Variants in ANXA11 observed in about 807,000 individuals in gnomAD.
ANXA11 encodes annexin A11, also known as 56 kDa autoantigen.
A neutral mutation model predicts 64.7 loss-of-function variants in ANXA11; 57 were observed. That is an observed-to-expected ratio of 0.88 (90% CI 0.71 to 1.10). The LOEUF is 1.10. Among genes scored for constraint, ANXA11 ranks in the 50% least tolerant of loss-of-function variants. The probability of loss-of-function intolerance (pLI) is 0.00; values close to 1 mark genes in which losing one functional copy is unlikely to be tolerated. For synonymous variants in ANXA11, 260 were observed against 265.2 expected (o/e 0.98, Z 0.19); for missense variants, 675 against 670.7 (o/e 1.01, Z -0.07).
chr10:80,166,001 G>C, intron 8 of ANXA11, 83 bp downstream of exon 8: 1 of 804,742 alleles, frequency 1.2e-6, no homozygotes, highest in Non-Finnish European at 2.0e-6. Context: ...CTCCTTCTGG[G>C]CTGTGTGTCC....
At position 80,166,415 on chromosome 10, in the gene ANXA11, A is replaced by G. The variant is rs71481556; in HGVS notation, c.745-218T>C. The G allele has an allele frequency of 0.051, 26,944 of 531,780 alleles. 804 individuals are homozygous for G. Among genetic ancestry groups the G allele is most frequent in the Non-Finnish European group, 0.067 (19,923 of 296,946 alleles). The allele number at this position is 531,780 out of a possible 1,614,324, so 32.9% of individuals were successfully genotyped here. On this transcript the variant is annotated intron_variant, in intron 7 of 15. Coordinates refer to ENST00000422982, the MANE Select transcript of ANXA11 (RefSeq NM_145868.2). The stretch of plus-strand genomic sequence containing the variant: ...AGATGCCCAGGGGATCGGTGACACA[A>G]TGAAGTTTGAGAAGCACTGGGCTAG...
chr10:80,179,040 A>G (rs1189859426), intron 1 of ANXA11, among the ~76,000 whole-genome samples: 3 of 152,174 alleles, frequency 2.0e-5, no homozygotes, highest in African/African-American at 7.2e-5. Flanking sequence ...CCCAAATTGT[A>G]ATTTCTAATT....
At chr10:80,181,759 T>C (rs1022239521) in intron 1 of ANXA11, among the ~76,000 whole-genome samples, 9 of 152,228 alleles carry the variant, frequency 5.9e-5, no homozygotes, top group African/African-American at 2.2e-4. Context: ...CCTATTAGAA[T>C]GGCCAAAATC....
rs1293056598 is a variant in ANXA11, at chr10:80,158,001, G to C, written c.1301C>G (p.Ala434Gly). 2 of 1,613,978 alleles carry C rather than the reference G, an allele frequency of 1.2e-6. No individual in the cohort carries two copies. The highest frequency in any genetic ancestry group is 1.7e-5 in the Admixed American group (1 of 59,984). ...CTTGTTGAGCCTCTCCGCAAAGAAG[G>C]CTGGGGTATTCTTGAGACATTTCAC... ...AVVKCLKNTP[A>G]FFAERLNKAM... is the part of the protein sequence containing the mutation. Residue 434 changes from alanine to glycine, a missense_variant, in exon 14 of 16, where the codon GCC (alanine) becomes GGC (glycine). Ala to Gly is a moderately conservative substitution (Grantham distance 60). Transcript: ENST00000422982.
rs1589412679 is a variant in ANXA11 at position 80,157,581 on chromosome 10, G to A, written c.1458+60C>T. On this transcript the variant is annotated intron_variant, in intron 15 of 15. Coordinates refer to ENST00000422982, the MANE Select transcript of ANXA11 (RefSeq NM_145868.2). ...AGCATATGGCCACTCCAAGGAGGGAGGTTCCACAGGTGACTGAGATGCCAA... is the reference window on the plus strand; with the variant it reads ...AGCATATGGCCACTCCAAGGAGGGAAGTTCCACAGGTGACTGAGATGCCAA... The A allele has an allele frequency of 8.2e-6, 13 of 1,580,696 alleles. No individual in the cohort carries two copies. In the East Asian group the frequency reaches 2.9e-4, roughly 36 times the overall value.
rs773831982 is a variant in ANXA11, at chr10:80,169,291, G to A, written c.239C>T (p.Ala80Val). 1.2e-6 allele frequency: 2 copies of A among 1,610,826 alleles called. No homozygotes were observed. The highest frequency in any genetic ancestry group is 1.7e-6 in the Non-Finnish European group (2 of 1,179,688). Reference protein sequence around the residue: ...MPNLYPGAPGAGYPPVPPGGF... With the variant: ...MPNLYPGAPGVGYPPVPPGGF... ...GCCAGGGGGCACTGGTGGGTAGCCA[G>A]CCCCAGGGGCCCCAGGGTACAGGTT... Residue 80 changes from alanine to valine, a missense_variant, in exon 5 of 16, where the codon GCT becomes GTT. Physicochemically the swap from Ala to Val is moderately conservative, Grantham distance 64. Transcript: ENST00000422982.
intron 1 of ANXA11, among the ~76,000 whole-genome samples, chr10:80,180,156 T>C (rs1309269112): frequency 6.6e-6 from 1 of 152,156 alleles, no homozygotes; most frequent in Non-Finnish European, 1.5e-5. Flanking sequence ...CACAGGAATC[T>C]AGAAATGCTA....
chr10:80,163,727 G>C (rs988177353), intron 9 of ANXA11, 114 bp from the exon 10 acceptor site: 3 of 984,536 alleles, frequency 3.0e-6, no homozygotes, highest in East Asian at 5.2e-5. Context: ...GTCTTGGCTC[G>C]GGCTCAAGAG....
intron 1 of ANXA11, among the ~76,000 whole-genome samples, chr10:80,176,505 G>A (rs990149491): frequency 6.6e-5 from 10 of 152,178 alleles, no homozygotes; most frequent in Admixed American, 6.5e-5. Context: ...TGAGGCTTCC[G>A]GTTTAGATCT....
At chr10:80,172,437 C>T (rs1047274954) in intron 3 of ANXA11, among the ~76,000 whole-genome samples, 1 of 152,194 alleles carries the variant, frequency 6.6e-6, no homozygotes, top group Admixed American at 6.5e-5. Flanking sequence ...CTGCCTATCT[C>T]ATCAGTATCC....
At chr10:80,177,361 T>A (rs529625249) in intron 1 of ANXA11, among the ~76,000 whole-genome samples, 2 of 152,120 alleles carry the variant, frequency 1.3e-5, no homozygotes, top group Admixed American at 6.5e-5. Flanking sequence ...TTCATCTCCC[T>A]CCAGTGGATG....
intron 1 of ANXA11, among the ~76,000 whole-genome samples, chr10:80,191,197 C>T (rs1741503684): frequency 6.6e-6 from 1 of 152,006 alleles, no homozygotes; most frequent in Non-Finnish European, 1.5e-5. Flanking sequence ...TGCACTCCAG[C>T]CTGGGCAAAA....
chr10:80,164,733 G>A (rs1246392230), intron 8 of ANXA11, among the ~76,000 whole-genome samples: 3 of 152,114 alleles, frequency 2.0e-5, no homozygotes, highest in African/African-American at 4.8e-5. Context: ...GTGTGACCTC[G>A]GGCACATTAC....
chr10:80,176,515 T>C (rs1291939022), intron 1 of ANXA11, among the ~76,000 whole-genome samples: 1 of 152,238 alleles, frequency 6.6e-6, no homozygotes, highest in Non-Finnish European at 1.5e-5. Context: ...GGTTTAGATC[T>C]GTTCCCTGTG....
At chr10:80,198,130 T>A (rs915133376) in intron 1 of ANXA11, among the ~76,000 whole-genome samples, 31 of 152,296 alleles carry the variant, frequency 2.0e-4, no homozygotes, top group African/African-American at 7.5e-4. Flanking sequence ...AGAAGCTGCC[T>A]TGCTTGCACT....
chr10:80,159,133 A>G lies in ANXA11; in HGVS notation c.1243T>C (p.Ser415Pro). The G allele has an allele frequency of 6.2e-7, 1 of 1,614,078 alleles. No homozygotes were observed. The highest frequency in any genetic ancestry group is 1.1e-5 in the South Asian group (1 of 91,082). ...DIEKSICREM[S>P]GDLEEGMLAV... Reference sequence around the variant, plus strand: ...AGCATGCCCTCCTCCAGGTCCCCGGACATCTCCCGGCAGATGCTCTTCTCA... The same window carrying G: ...AGCATGCCCTCCTCCAGGTCCCCGGGCATCTCCCGGCAGATGCTCTTCTCA... The change falls in exon 13 of 16, where the codon TCC (serine) becomes CCC (proline). Residue 415 changes from serine to proline, a missense_variant. Ser to Pro is a moderately conservative substitution (Grantham distance 74, BLOSUM62 -1). Transcript: ENST00000422982.
At chr10:80,200,588 C>G (rs1840378273) in intron 1 of ANXA11, among the ~76,000 whole-genome samples, 1 of 152,178 alleles carries the variant, frequency 6.6e-6, no homozygotes, top group African/African-American at 2.4e-5. Flanking sequence ...TTTGTTATAC[C>G]TCTCAGAATC....
chr10:80,169,031 C>A lies in ANXA11; in HGVS notation c.499G>T (p.Val167Leu), dbSNP rs1289198745. Reference sequence around the variant, plus strand: ...CCCGGGTATCCTGGGTAGCTCGGCACTGGCTGCTGCTGCCCAGGGAGTGGC... The same window carrying A: ...CCCGGGTATCCTGGGTAGCTCGGCAATGGCTGCTGCTGCCCAGGGAGTGGC... ...PVPLPGQQQP[V>L]PSYPGYPGSG... The change falls in exon 5 of 16, where the codon GTG becomes TTG. Residue 167 changes from valine (V) to leucine (L), a missense_variant. By Grantham distance (32) the Val-to-Leu change is conservative. Transcript: ENST00000422982. 1 of 1,545,098 alleles carries A rather than the reference C, an allele frequency of 6.5e-7. No homozygotes were observed. The highest frequency in any genetic ancestry group is 2.3e-5 in the East Asian group (1 of 44,204).
At chr10:80,171,288 G>A (rs1845967158) in intron 3 of ANXA11, 1 of 1,073,078 alleles carries the variant, frequency 9.3e-7, no homozygotes, top group Admixed American at 5.7e-5. Flanking sequence ...CCATGACAGA[G>A]GTGACCATAG....
Sources: allele counts gnomAD v4.1 joint callset (sites outside exome capture counted in the v4.1 genomes callset), GRCh38; gene constraint gnomAD v4.1.1; transcripts MANE v1.5; gene names NCBI Gene and HGNC (gene_info 2026-07-23, HGNC 2026-07-21).